The following ELAVL2 variants were observed in gnomAD, a reference collection of about 807,000 sequenced individuals.
ELAVL2 encodes the protein ELAV-like protein 2.
A neutral mutation model predicts 34.6 loss-of-function variants in ELAVL2; 4 were observed. The ratio of observed to expected loss-of-function variants is 0.12; its 90% CI spans 0.06 to 0.26. The LOEUF (loss-of-function observed/expected upper bound fraction) is 0.26, where lower values mean the gene tolerates loss of function less well. Among genes scored for constraint, ELAVL2 ranks in the 10% least tolerant of loss-of-function variants. The pLI, the probability that ELAVL2 is intolerant of heterozygous loss-of-function variation, is 1.00. For missense variants in ELAVL2, 432 were observed against 442.8 expected (o/e 0.98, Z 0.22); for synonymous variants, 193 against 154.8 (o/e 1.25, Z -1.83).
At chr9:23,786,303 A>G (rs2059672786) in intron 1 of ELAVL2, among the ~76,000 whole-genome samples, 1 of 152,184 alleles carries the variant, frequency 6.6e-6, no homozygotes, top group Non-Finnish European at 1.5e-5. Context: ...ACAAAGATCT[A>G]ATTTATATTG....
chr9:23,734,502 C>T (rs140821780), intron 2 of ELAVL2, among the ~76,000 whole-genome samples: 1 of 152,152 alleles, frequency 6.6e-6, no homozygotes, highest in Admixed American at 6.5e-5. Context: ...CTCTACTCCA[C>T]TCAATTAACT....
intron 4 of ELAVL2, among the ~76,000 whole-genome samples, chr9:23,701,829 C>A (rs1019510338): frequency 1.3e-5 from 2 of 152,180 alleles, no homozygotes; most frequent in Non-Finnish European, 2.9e-5. Flanking sequence ...CTTACATAAT[C>A]TGAGTACCCA....
chr9:23,795,635 CA>C (rs1177321830), intron 1 of ELAVL2, among the ~76,000 whole-genome samples: 1 of 152,058 alleles, frequency 6.6e-6, no homozygotes, highest in Non-Finnish European at 1.5e-5. Flanking sequence ...TAAAATGTCT[CA>C]AAAAATAGGA....
intron 2 of ELAVL2, among the ~76,000 whole-genome samples, chr9:23,742,775 T>C (rs1056178576): frequency 1.3e-5 from 2 of 152,330 alleles, no homozygotes; most frequent in African/African-American, 4.8e-5. Context: ...ACGTGATTTT[T>C]CTTCTCTTTG....
intron 3 of ELAVL2, among the ~76,000 whole-genome samples, chr9:23,730,774 T>C (rs2046329695): frequency 6.6e-6 from 1 of 152,090 alleles, no homozygotes; most frequent in Admixed American, 6.6e-5. Flanking sequence ...CTTGATTCCG[T>C]AGGCTTCCTA....
chr9:23,690,835 G>A lies in ELAVL2; in HGVS notation c.*1722C>T, dbSNP rs1257134323. ...TTTTTTGAAAATTTATTATAAGCTAGATGCTAATCAGAAAATATTTTGTAT... is the reference window on the plus strand; with the variant it reads ...TTTTTTGAAAATTTATTATAAGCTAAATGCTAATCAGAAAATATTTTGTAT... On this transcript the variant is annotated 3_prime_UTR_variant, in exon 7 of 7. Transcript: ENST00000397312. 1.3e-5 allele frequency: 2 copies of A among 152,478 alleles called. No individual in the cohort carries two copies. The highest frequency in any genetic ancestry group is 4.8e-5 in the African/African-American group (2 of 41,408). The allele number at this position is 152,478 out of a possible 1,614,324, so 9.4% of individuals were successfully genotyped here.
At chr9:23,746,442 G>C (rs896646099) in intron 2 of ELAVL2, among the ~76,000 whole-genome samples, 1 of 152,112 alleles carries the variant, frequency 6.6e-6, no homozygotes, top group Non-Finnish European at 1.5e-5. Flanking sequence ...GAGTCACAGA[G>C]CGTTTTCAGA....
At chr9:23,744,728 CCTT>C (rs1414538779) in intron 2 of ELAVL2, among the ~76,000 whole-genome samples, 3 of 151,734 alleles carry the variant, frequency 2.0e-5, no homozygotes, top group African/African-American at 4.8e-5. Context: ...GCTTCTTTAT[CCTT>C]CTCGCGCACC....
At chr9:23,817,581 T>C (rs1453650515) in intron 1 of ELAVL2, among the ~76,000 whole-genome samples, 1 of 152,198 alleles carries the variant, frequency 6.6e-6, no homozygotes, top group African/African-American at 2.4e-5. Context: ...AAGATGAAGA[T>C]GTCTATGAGA....
At chr9:23,809,473 T>A (rs1307246902) in intron 1 of ELAVL2, among the ~76,000 whole-genome samples, 1 of 152,150 alleles carries the variant, frequency 6.6e-6, no homozygotes, top group Admixed American at 6.6e-5. Flanking sequence ...AAAAATTGCA[T>A]ATCTAAGACA....
At chr9:23,815,940 C>T (rs72693573) in intron 1 of ELAVL2, among the ~76,000 whole-genome samples, 11,117 of 152,098 alleles carry the variant, frequency 0.073, 532 homozygotes, top group Non-Finnish European at 0.099. Context: ...ATGCTAAAGG[C>T]CCACATCACT....
At chr9:23,699,989 T>C (rs2036630909) in intron 5 of ELAVL2, among the ~76,000 whole-genome samples, 1 of 152,056 alleles carries the variant, frequency 6.6e-6, no homozygotes, top group Non-Finnish European at 1.5e-5. Flanking sequence ...TTCCTTCTCA[T>C]ATCTCAAGCA....
At chr9:23,779,145 A>G (rs890565998) in intron 1 of ELAVL2, 20 of 971,520 alleles carry the variant, frequency 2.1e-5, no homozygotes, top group East Asian at 1.1e-4. Flanking sequence ...TAACGCTCTA[A>G]AAACTGTCTC....
chr9:23,708,892 C>G (rs1466478414), intron 3 of ELAVL2, among the ~76,000 whole-genome samples: 1 of 152,100 alleles, frequency 6.6e-6, no homozygotes, highest in African/African-American at 2.4e-5. Context: ...CCCACCTCGG[C>G]CTCCCAAAGT....
rs980221783 is a variant in ELAVL2 at position 23,805,180 on chromosome 9, C to T, written c.-16+20626G>A. Among the ~76,000 whole-genome samples the T allele has an allele frequency of 3.9e-5, 6 of 152,118 alleles. No individual in the cohort carries two copies. The South Asian group carries it at 6.2e-4, about 16-fold the overall frequency. On this transcript the variant is annotated intron_variant, in intron 1 of 6. Transcript: ENST00000397312. ...TCAAAAATGATAAACAAAAGAAAGA[C>T]GTTAATCATTTGGGGATTTTCCTAG...
At chr9:23,804,370 CAT>C (rs544482121) in intron 1 of ELAVL2, among the ~76,000 whole-genome samples, 69 of 152,162 alleles carry the variant, frequency 4.5e-4, no homozygotes, top group African/African-American at 1.6e-3. Context: ...AAAATACAAA[CAT>C]GTAATGGCAC....
intron 1 of ELAVL2, among the ~76,000 whole-genome samples, chr9:23,788,572 T>C (rs1014878326): frequency 2.6e-5 from 4 of 152,222 alleles, no homozygotes; most frequent in East Asian, 1.9e-4. Flanking sequence ...ATAAAAGTTA[T>C]GTATATGTGA....
At chr9:23,796,875 C>T (rs2060995435) in intron 1 of ELAVL2, among the ~76,000 whole-genome samples, 1 of 152,150 alleles carries the variant, frequency 6.6e-6, no homozygotes. Context: ...AAAATAGATT[C>T]TGACTTGCTT....
rs370043823 is a variant in ELAVL2, at chr9:23,740,866, G to T, written c.230-9741C>A. Among the ~76,000 whole-genome samples, 5 of 152,248 alleles carry T rather than the reference G, an allele frequency of 3.3e-5. 1 individual carries two copies. The East Asian group carries it at 5.8e-4, about 18-fold the overall frequency. On this transcript the variant is annotated intron_variant, in intron 2 of 6. Coordinates refer to ENST00000397312, the MANE Select transcript of ELAVL2 (RefSeq NM_004432.5). Reference sequence around the variant, plus strand: ...CAAACATGTTTGCTACTGCCAAAACGGTCTCCCACACAAGACATTTCTCTC... The same window carrying T: ...CAAACATGTTTGCTACTGCCAAAACTGTCTCCCACACAAGACATTTCTCTC...
Sources: gnomAD v4.1 joint callset for allele counts (sites outside exome capture counted in the v4.1 genomes callset) on GRCh38, gnomAD v4.1.1 for gene constraint, MANE v1.5 for transcripts, NCBI Gene and HGNC (gene_info 2026-07-23, HGNC 2026-07-21) for gene names.